CNTNAP5: variants seen among roughly 807,000 people sequenced by gnomAD.
The protein encoded by CNTNAP5 is contactin associated protein family member 5.
Under a neutral mutation model 150.2 loss-of-function variants are expected in CNTNAP5, and 72 were observed. The ratio of observed to expected loss-of-function variants is 0.48; its 90% CI spans 0.40 to 0.58. The LOEUF (loss-of-function observed/expected upper bound fraction) is 0.58. Among genes scored for constraint, CNTNAP5 ranks in the 20% least tolerant of loss-of-function variants. The probability of loss-of-function intolerance (pLI) is 0.00; values close to 1 mark genes in which losing one functional copy is unlikely to be tolerated. For synonymous variants in CNTNAP5, 672 were observed against 619.8 expected, an observed-to-expected ratio of 1.08 and a Z score of -1.25; for missense variants, 1,636 against 1,626.2, an observed-to-expected ratio of 1.01 and a Z score of -0.10.
At chr2:124,867,275 T>C (rs965080976) in intron 20 of CNTNAP5, among the ~76,000 whole-genome samples, 4 of 152,226 alleles carry the variant, frequency 2.6e-5, no homozygotes, top group Admixed American at 1.3e-4. Context: ...CTTTCTCTTA[T>C]CTGACTTCTT....
intron 10 of CNTNAP5, among the ~76,000 whole-genome samples, chr2:124,559,372 A>G (rs1200257417): frequency 1.3e-5 from 2 of 152,104 alleles, no homozygotes; most frequent in Non-Finnish European, 2.9e-5. Context: ...ACAGCTTCCA[A>G]TGTGTCTGCC....
At chr2:124,743,738 A>G (rs1680549313) in intron 13 of CNTNAP5, among the ~76,000 whole-genome samples, 1 of 152,184 alleles carries the variant, frequency 6.6e-6, no homozygotes, top group Non-Finnish European at 1.5e-5. Context: ...GCTTCTATTC[A>G]AGAACCTGAT....
intron 13 of CNTNAP5, among the ~76,000 whole-genome samples, chr2:124,728,499 C>T (rs934439299): frequency 5.9e-5 from 9 of 151,984 alleles, no homozygotes; most frequent in African/African-American, 2.2e-4. Flanking sequence ...ATCATGTTCT[C>T]ATTGAAAACC....
At chr2:124,260,717 T>A (rs1687431357) in intron 3 of CNTNAP5, among the ~76,000 whole-genome samples, 1 of 152,200 alleles carries the variant, frequency 6.6e-6, no homozygotes. Context: ...CAAATGGTTT[T>A]GGATGAGAGA....
chr2:124,366,242 A>G (rs1454787580), intron 3 of CNTNAP5, among the ~76,000 whole-genome samples: 1 of 152,190 alleles, frequency 6.6e-6, no homozygotes, highest in Non-Finnish European at 1.5e-5. Flanking sequence ...ACTCAAATGC[A>G]GCACTGCATA....
intron 1 of CNTNAP5, among the ~76,000 whole-genome samples, chr2:124,131,509 G>T (rs1237273982): frequency 6.6e-6 from 1 of 152,210 alleles, no homozygotes; most frequent in Non-Finnish European, 1.5e-5. Context: ...TGACTCTCCA[G>T]TCAGGAATTG....
At chr2:124,536,311 C>T (rs1695230351) in intron 10 of CNTNAP5, among the ~76,000 whole-genome samples, 1 of 152,206 alleles carries the variant, frequency 6.6e-6, no homozygotes, top group South Asian at 2.1e-4. Context: ...TCTGCAAGGC[C>T]TACCAAGTGG....
At chr2:124,540,336 A>G (rs13409718) in intron 10 of CNTNAP5, among the ~76,000 whole-genome samples, 15,409 of 152,236 alleles carry the variant, frequency 0.1, 815 homozygotes, top group South Asian at 0.16. Flanking sequence ...GTAAAACCCT[A>G]TACTCTGAAA....
chr2:124,844,949 C>T (rs949528753), intron 19 of CNTNAP5, among the ~76,000 whole-genome samples: 2 of 151,990 alleles, frequency 1.3e-5, no homozygotes, highest in African/African-American at 4.8e-5. Flanking sequence ...TTTCCTCTTA[C>T]CAATTTGGAT....
intron 8 of CNTNAP5, among the ~76,000 whole-genome samples, chr2:124,520,056 A>C (rs1694817910): frequency 6.6e-6 from 1 of 152,208 alleles, no homozygotes; most frequent in South Asian, 2.1e-4. Flanking sequence ...AATATAAAAG[A>C]ATCTGTGATT....
intron 19 of CNTNAP5, among the ~76,000 whole-genome samples, chr2:124,846,166 A>G (rs1274658041): frequency 3.3e-5 from 5 of 152,036 alleles, no homozygotes; most frequent in Non-Finnish European, 7.4e-5. Context: ...TCCTCTTAGC[A>G]CCACTTTTGC....
chr2:124,162,158 T>C (rs1684694641), intron 1 of CNTNAP5, among the ~76,000 whole-genome samples: 1 of 152,144 alleles, frequency 6.6e-6, no homozygotes, highest in Admixed American at 6.5e-5. Context: ...GAATAAATAA[T>C]GTAGTGCGCT....
At chr2:124,577,731 C>T (rs528859577) in intron 11 of CNTNAP5, among the ~76,000 whole-genome samples, 33 of 151,992 alleles carry the variant, frequency 2.2e-4, no homozygotes, top group African/African-American at 8.0e-4. Flanking sequence ...GGAGATGAGC[C>T]GTAAAGGGAA....
intron 3 of CNTNAP5, among the ~76,000 whole-genome samples, chr2:124,317,446 C>T (rs1400583690): frequency 6.6e-6 from 1 of 152,116 alleles, no homozygotes; most frequent in Non-Finnish European, 1.5e-5. Flanking sequence ...CTTTGCTTGC[C>T]ACTTTGCTCG....
chr2:124,479,328 A>T (rs1693714070), intron 7 of CNTNAP5, among the ~76,000 whole-genome samples: 1 of 152,114 alleles, frequency 6.6e-6, no homozygotes, highest in African/African-American at 2.4e-5. Flanking sequence ...GCTTTTTTTG[A>T]GCTGTCCTTT....
intron 12 of CNTNAP5, among the ~76,000 whole-genome samples, chr2:124,610,419 A>G (rs1436948120): frequency 7.9e-5 from 12 of 152,182 alleles, no homozygotes; most frequent in Non-Finnish European, 5.9e-5. Context: ...ATTAGATACA[A>G]TCATGTGTAT....
At chr2:124,901,014 A>G (rs1678404956) in intron 21 of CNTNAP5, among the ~76,000 whole-genome samples, 2 of 151,834 alleles carry the variant, frequency 1.3e-5, no homozygotes, top group African/African-American at 4.9e-5. Flanking sequence ...CCAAACAAAC[A>G]TATGTGATCC....
chr2:124,824,708 C>A (rs1183200388), intron 19 of CNTNAP5, among the ~76,000 whole-genome samples: 1 of 152,176 alleles, frequency 6.6e-6, no homozygotes, highest in East Asian at 1.9e-4. Context: ...CAGCTGGAAG[C>A]AGAGCACGAT....
At chr2:124,856,699 T>C (rs902880024) in intron 19 of CNTNAP5, among the ~76,000 whole-genome samples, 15 of 152,150 alleles carry the variant, frequency 9.9e-5, no homozygotes, top group African/African-American at 3.1e-4. Context: ...TAAAATGCCT[T>C]GCTACAAGGT....
Sources: allele counts gnomAD v4.1 joint callset (sites outside exome capture counted in the v4.1 genomes callset), GRCh38; gene constraint gnomAD v4.1.1; transcripts MANE v1.5; gene names NCBI Gene and HGNC (gene_info 2026-07-23, HGNC 2026-07-21).